Variants in CSMD1 observed in about 807,000 individuals in gnomAD.
CSMD1 encodes CUB and sushi domain-containing protein 1.
A neutral mutation model predicts 417.5 loss-of-function variants in CSMD1; 213 were observed. The ratio of observed to expected loss-of-function variants is 0.51; its 90% CI spans 0.46 to 0.57. CSMD1 has a LOEUF of 0.57. Among genes scored for constraint, CSMD1 ranks in the 20% least tolerant of loss-of-function variants. CSMD1 has a pLI of 0.00. For missense variants in CSMD1, 6,923 were observed against 4,529.7 expected (o/e 1.53, Z -15.17); for synonymous variants, 2,862 against 1,736.8 (o/e 1.65, Z -16.11).
At position 4,594,631 on chromosome 8, in the gene CSMD1, C is replaced by T. The variant is rs377698019; in HGVS notation, c.302+42711G>A. Among the ~76,000 whole-genome samples the T allele has an allele frequency of 1.1e-4, 17 of 152,212 alleles. No individual in the cohort carries two copies. In the East Asian group the frequency reaches 1.9e-3, roughly 17 times the overall value. ...ACAAGAAGCAAATATGTATTTGAAC[C>T]TGGTCTTTCAACTTCAAAACCTACA... is the stretch of plus-strand genomic sequence containing the variant. On this transcript the variant is annotated intron_variant, in intron 2 of 69. Coordinates refer to ENST00000635120, the MANE Select transcript of CSMD1 (RefSeq NM_033225.6).
At chr8:3,819,532 C>CTA (rs1801596823) in intron 5 of CSMD1, among the ~76,000 whole-genome samples, 1 of 49,734 alleles carries the variant, frequency 2.0e-5, no homozygotes, top group African/African-American at 7.8e-5. Context: ...AAGGTGATTT[C>CTA]TACACACACA....
At chr8:4,247,697 T>C (rs1022362319) in intron 3 of CSMD1, among the ~76,000 whole-genome samples, 1 of 152,198 alleles carries the variant, frequency 6.6e-6, no homozygotes, top group South Asian at 2.1e-4. Flanking sequence ...TCTGCATTTT[T>C]ATTTTGGTAC....
chr8:4,415,395 C>A (rs1345246373), intron 3 of CSMD1, among the ~76,000 whole-genome samples: 1 of 152,128 alleles, frequency 6.6e-6, no homozygotes, highest in Non-Finnish European at 1.5e-5. Flanking sequence ...ACCTTCTATT[C>A]CGGGTTTGAC....
intron 5 of CSMD1, among the ~76,000 whole-genome samples, chr8:3,977,486 T>A (rs73658516): frequency 0.014 from 2,078 of 152,230 alleles, 43 homozygotes; most frequent in African/African-American, 0.045. Flanking sequence ...AAAAAAAAAA[T>A]TAAGGAAAAC....
chr8:3,856,816 G>T (rs538712655), intron 5 of CSMD1, among the ~76,000 whole-genome samples: 31 of 152,232 alleles, frequency 2.0e-4, no homozygotes, highest in Admixed American at 5.9e-4. Flanking sequence ...CCTCAGGCTG[G>T]GGCCCAAAGT....
At chr8:4,679,250 C>G (rs927840084) in intron 1 of CSMD1, among the ~76,000 whole-genome samples, 2 of 152,174 alleles carry the variant, frequency 1.3e-5, no homozygotes, top group African/African-American at 4.8e-5. Context: ...CTGAGTCCAG[C>G]TGCTGACGTG....
At chr8:3,973,295 C>T (rs1010815986) in intron 5 of CSMD1, among the ~76,000 whole-genome samples, 2 of 152,112 alleles carry the variant, frequency 1.3e-5, no homozygotes, top group Non-Finnish European at 2.9e-5. Context: ...CTCCCACCTG[C>T]CGAGGGATTT....
rs148404312 is a variant in CSMD1 at position 3,146,675 on chromosome 8, A to G, written c.6032-4001T>C. Among the ~76,000 whole-genome samples, 340 of 152,248 alleles carry G rather than the reference A, an allele frequency of 2.2e-3. 3 individuals are homozygous for G. The highest frequency in any genetic ancestry group is 7.1e-3 in the African/African-American group (296 of 41,544). On this transcript the variant is annotated intron_variant, in intron 40 of 69. Transcript: ENST00000635120. ...TTTTGAGGGACAGGCTGTGTGGGTCACTGTCCCGCAGTAGGTCACTGTCGG... is the reference window on the plus strand; with the variant it reads ...TTTTGAGGGACAGGCTGTGTGGGTCGCTGTCCCGCAGTAGGTCACTGTCGG...
At chr8:3,695,085 T>TGA (rs1554514042) in intron 7 of CSMD1, among the ~76,000 whole-genome samples, 1 of 108,214 alleles carries the variant, frequency 9.2e-6, no homozygotes. Context: ...TTGGAGGCCC[T>TGA]GCGTGTGTGT....
intron 3 of CSMD1, among the ~76,000 whole-genome samples, chr8:4,386,812 C>G (rs116777425): frequency 2.1e-3 from 319 of 152,216 alleles, no homozygotes; most frequent in African/African-American, 7.3e-3. Context: ...ATTCTGGGCT[C>G]TTGGGATTAA....
intron 2 of CSMD1, among the ~76,000 whole-genome samples, chr8:4,608,972 C>G (rs942287055): frequency 5.3e-5 from 8 of 151,162 alleles, no homozygotes; most frequent in African/African-American, 2.0e-4. Context: ...ATACTTTTTC[C>G]TGCTGAGGTG....
intron 20 of CSMD1, among the ~76,000 whole-genome samples, chr8:3,363,106 C>G (rs1490497455): frequency 6.6e-6 from 1 of 152,164 alleles, no homozygotes; most frequent in African/African-American, 2.4e-5. Flanking sequence ...TTATCCTAAA[C>G]TTGGTGTCTT....
intron 3 of CSMD1, among the ~76,000 whole-genome samples, chr8:4,368,919 ATC>A (rs1273671632): frequency 6.6e-6 from 1 of 151,880 alleles, no homozygotes; most frequent in Non-Finnish European, 1.5e-5. Context: ...GGTTTTATTG[ATC>A]TCTTATATGG....
intron 1 of CSMD1, among the ~76,000 whole-genome samples, chr8:4,882,895 C>G (rs1394278217): frequency 6.6e-6 from 1 of 151,956 alleles, no homozygotes; most frequent in African/African-American, 2.4e-5. Context: ...GAGAGCAAGT[C>G]CTAGATTTCT....
chr8:3,934,262 G>A (rs887064966), intron 5 of CSMD1, among the ~76,000 whole-genome samples: 2 of 152,018 alleles, frequency 1.3e-5, no homozygotes, highest in African/African-American at 4.8e-5. Flanking sequence ...TAATCATTCC[G>A]CTGTTCTTCA....
intron 1 of CSMD1, among the ~76,000 whole-genome samples, chr8:4,788,856 C>G (rs1265895310): frequency 2.0e-5 from 3 of 152,172 alleles, no homozygotes; most frequent in Non-Finnish European, 4.4e-5. Context: ...GAAACTCTCC[C>G]TGCTCCTTCC....
intron 37 of CSMD1, among the ~76,000 whole-genome samples, chr8:3,170,077 C>T (rs1407796976): frequency 6.6e-6 from 1 of 152,264 alleles, no homozygotes; most frequent in South Asian, 2.1e-4. Context: ...CTTCTACTCT[C>T]CTTTGCGGCG....
intron 7 of CSMD1, among the ~76,000 whole-genome samples, chr8:3,659,369 C>G (rs747078197): frequency 6.6e-6 from 1 of 152,184 alleles, no homozygotes; most frequent in African/African-American, 2.4e-5. Context: ...TTACTACCCA[C>G]TGATGAAATT....
intron 3 of CSMD1, among the ~76,000 whole-genome samples, chr8:4,373,996 G>A (rs944447700): frequency 1.3e-5 from 2 of 152,176 alleles, no homozygotes; most frequent in Non-Finnish European, 2.9e-5. Context: ...AAGCCAGTAT[G>A]AACTATGACA....
Sources: allele counts gnomAD v4.1 joint callset (sites outside exome capture counted in the v4.1 genomes callset), GRCh38; gene constraint gnomAD v4.1.1; transcripts MANE v1.5; gene names NCBI Gene and HGNC (gene_info 2026-07-23, HGNC 2026-07-21).